Variants in PFKL observed in about 807,000 individuals in gnomAD.
PFKL encodes the protein phosphofructokinase, liver type, also known as ATP-dependent 6-phosphofructokinase, liver type.
A neutral mutation model predicts 92.1 loss-of-function variants in PFKL; 74 were observed. The observed-to-expected ratio is 0.80, with a 90% CI of 0.67 to 0.97. PFKL has a LOEUF of 0.97. Among genes scored for constraint, PFKL ranks in the 50% least tolerant of loss-of-function variants. The pLI is 0.00. For synonymous variants in PFKL, 494 were observed against 456.4 expected, an observed-to-expected ratio of 1.08 and a Z score of -1.05; for missense variants, 1,028 against 1,116.6, an observed-to-expected ratio of 0.92 and a Z score of 1.13.
chr21:44,303,578 C>T (rs1362581619), intron 1 of PFKL, among the ~76,000 whole-genome samples: 4 of 152,056 alleles, frequency 2.6e-5, no homozygotes, highest in African/African-American at 4.8e-5. Context: ...CTTTCCCTGG[C>T]TGGTGTGTTT....
At chr21:44,319,505 C>A in intron 11 of PFKL, 90 bp downstream of exon 11, 1 of 1,081,854 alleles carries the variant, frequency 9.2e-7, no homozygotes. Context: ...GCACGCCTGG[C>A]CTGGGTCATC....
chr21:44,312,157 G>A lies in PFKL; in HGVS notation c.290G>A (p.Gly97Glu). The A allele has an allele frequency of 1.3e-6, 2 of 1,591,096 alleles. No homozygotes were observed. Among genetic ancestry groups the A allele is most frequent in the East Asian group, 2.3e-5 (1 of 42,930 alleles). Residue 97 changes from glycine to glutamate, a missense_variant, in exon 4 of 22, where the codon GGG (glycine) becomes GAG (glutamate). By Grantham distance (98) the Gly-to-Glu change is moderately conservative. Coordinates refer to ENST00000349048, the MANE Select transcript of PFKL (RefSeq NM_002626.6). The stretch of plus-strand genomic sequence containing the variant: ...TGCAAGGCCTTTACCACCAGGGAGG[G>A]GCGCCGGGCAGCGGCCTACAACCTG... ...ARCKAFTTRE[G>E]RRAAAYNLVQ...
chr21:44,304,201 G>A (rs2040860066), intron 1 of PFKL: 6 of 1,285,222 alleles, frequency 4.7e-6, no homozygotes, highest in South Asian at 3.7e-5. Flanking sequence ...ATTTTGCAGA[G>A]CACCCTGAAG....
intron 1 of PFKL, chr21:44,304,424 C>T: frequency 1.6e-6 from 2 of 1,227,802 alleles, no homozygotes; most frequent in Non-Finnish European, 2.1e-6. Context: ...CCTGCCCTCT[C>T]CTTGCCCTGC....
Position 44,305,183 on chromosome 21 carries a change from T to G in PFKL, c.86-1498T>G. 6 of 1,173,340 alleles carry G rather than the reference T, an allele frequency of 5.1e-6. No homozygotes were observed. The South Asian group carries it at 7.1e-5, about 14-fold the overall frequency. 72.7% of individuals were successfully genotyped at this position (1,173,340 alleles called of 1,614,324 possible). A position where few individuals can be genotyped will look rare whatever the true frequency, so the allele number is the denominator to read the frequency against. On this transcript the variant is annotated intron_variant, in intron 1 of 21. Coordinates refer to ENST00000349048, the MANE Select transcript of PFKL (RefSeq NM_002626.6). Reference sequence around the variant, plus strand: ...TCCCTCTGGGATCTCATTGGATTCCTGTAGTGTGGGGATGGTGGCAGATAC... The same window carrying G: ...TCCCTCTGGGATCTCATTGGATTCCGGTAGTGTGGGGATGGTGGCAGATAC...
chr21:44,318,365 C>T (rs944774839), intron 9 of PFKL, 105 bp from the exon 10 acceptor site: 41 of 1,254,278 alleles, frequency 3.3e-5, no homozygotes, highest in Admixed American at 2.3e-4. Flanking sequence ...CTTCCGTCAG[C>T]GTGGGGGGCT....
chr21:44,307,176 C>G (rs1423462219), intron 2 of PFKL: 2 of 651,984 alleles, frequency 3.1e-6, no homozygotes, highest in African/African-American at 3.9e-5. Context: ...CTTGTCCTCC[C>G]CAGCCTCCTG....
intron 1 of PFKL, among the ~76,000 whole-genome samples, chr21:44,302,001 A>T (rs2040787996): frequency 6.6e-6 from 1 of 152,078 alleles, no homozygotes; most frequent in African/African-American, 2.4e-5. Context: ...GCGGTTCTGG[A>T]TGCTGGTGGA....
chr21:44,326,588 C>T (rs185995829), intron 21 of PFKL, 127 bp from the exon 22 acceptor site: 1,338 of 1,199,138 alleles, frequency 1.1e-3, no homozygotes, highest in Non-Finnish European at 1.5e-3. Context: ...CCACGGATAC[C>T]GAGATGTTCA....
At chr21:44,322,860 G>A (rs1422897960) in intron 14 of PFKL, 102 bp from the exon 15 acceptor site, 31 of 757,722 alleles carry the variant, frequency 4.1e-5, no homozygotes, top group Admixed American at 8.7e-5. Flanking sequence ...ACTGCTGACT[G>A]GCTCGGGGAA....
At chr21:44,321,650 C>T (rs1242556705) in intron 12 of PFKL, 79 bp from the exon 13 acceptor site, 6 of 1,415,168 alleles carry the variant, frequency 4.2e-6, no homozygotes, top group Non-Finnish European at 5.6e-6. Context: ...CCAGAACCTG[C>T]CGGCCTGCTG....
At chr21:44,314,606 T>C (rs1422314284) in intron 7 of PFKL, 1 of 130,028 alleles carries the variant, frequency 7.7e-6, no homozygotes. Flanking sequence ...GGGTGCCTGG[T>C]GGGGAGGGGT....
chr21:44,325,820 G>A (rs890175157), intron 19 of PFKL, 141 bp from the exon 20 acceptor site: 4 of 630,742 alleles, frequency 6.3e-6, no homozygotes, highest in African/African-American at 1.8e-5. Flanking sequence ...GGGAACAGAC[G>A]GGAACGGTGC....
At chr21:44,307,607 G>T (rs1056344099) in intron 2 of PFKL, among the ~76,000 whole-genome samples, 5 of 152,218 alleles carry the variant, frequency 3.3e-5, no homozygotes, top group Non-Finnish European at 7.3e-5. Context: ...CTGGGTCTCA[G>T]TTCCCCCATC....
chr21:44,322,158 T>C lies in PFKL; in HGVS notation c.1364T>C (p.Val455Ala), dbSNP rs764414038. The C allele has an allele frequency of 2.2e-5, 36 of 1,605,948 alleles. No individual in the cohort carries two copies. The highest frequency in any genetic ancestry group is 2.6e-5 in the Non-Finnish European group (31 of 1,178,590). Reference sequence around the variant, plus strand: ...GTGCAAGAAGTAGGCTGGCACGACGTGGCCGGCTGGTTGGGGCGTGGTGGC... The same window carrying C: ...GTGCAAGAAGTAGGCTGGCACGACGCGGCCGGCTGGTTGGGGCGTGGTGGC... The part of the protein sequence containing the change: ...GQVQEVGWHD[V>A]AGWLGRGGSM... Residue 455 changes from valine to alanine, a missense_variant, in exon 14 of 22, where the codon GTG (valine) becomes GCG (alanine). Val to Ala is a moderately conservative substitution (Grantham distance 64). Coordinates refer to ENST00000349048, the MANE Select transcript of PFKL (RefSeq NM_002626.6).
chr21:44,327,081 TG>T lies in PFKL; in HGVS notation c.*220del, dbSNP rs2146039316. Reference sequence around the variant, plus strand: ...CAGGCCCTCCAGCAGGAGGACAGAGTGCCCTGGGGCATCCACCTTCCTGCCC... The same window carrying T: ...CAGGCCCTCCAGCAGGAGGACAGAGTCCCTGGGGCATCCACCTTCCTGCCC... On this transcript the variant is annotated 3_prime_UTR_variant, in exon 22 of 22. Transcript: ENST00000349048. The T allele has an allele frequency of 1.7e-6, 1 of 582,920 alleles. No individual in the cohort carries two copies. Among genetic ancestry groups the T allele is most frequent in the South Asian group, 2.0e-5 (1 of 49,392 alleles). The allele number at this position is 582,920 out of a possible 1,614,324, so 36.1% of individuals were successfully genotyped here.
In PFKL at chr21:44,327,095, C is replaced by G. The variant is rs1249428513; in HGVS notation, c.*233C>G. 4 of 574,044 alleles carry G rather than the reference C, an allele frequency of 7.0e-6. No homozygotes were observed. The African/African-American group carries it at 7.5e-5, about 11-fold the overall frequency. 35.6% of individuals were successfully genotyped at this position (574,044 alleles called of 1,614,324 possible). A position where few individuals can be genotyped will look rare whatever the true frequency, so the allele number is the denominator to read the frequency against. ...GGAGGACAGAGTGCCCTGGGGCATC[C>G]ACCTTCCTGCCCAGGGGACGTGGCG... On this transcript the variant is annotated 3_prime_UTR_variant, in exon 22 of 22. Coordinates refer to ENST00000349048, the MANE Select transcript of PFKL (RefSeq NM_002626.6).
In PFKL at chr21:44,325,094, A is replaced by G. The variant is rs569957507; in HGVS notation, c.1878-59A>G. The stretch of plus-strand genomic sequence containing the variant: ...CCCAGGCCTGGCCCAGCGGGGACTC[A>G]GGATCGGGGGGAGACCTGAACTCGT... On this transcript the variant is annotated intron_variant, in intron 18 of 21. Coordinates refer to ENST00000349048, the MANE Select transcript of PFKL (RefSeq NM_002626.6). The G allele has an allele frequency of 7.6e-6, 10 of 1,320,496 alleles. No homozygotes were observed. The South Asian group carries it at 1.2e-4, about 16-fold the overall frequency. 81.8% of individuals were successfully genotyped at this position (1,320,496 alleles called of 1,614,324 possible).
chr21:44,302,357 G>C (rs1262523165), intron 1 of PFKL, among the ~76,000 whole-genome samples: 3 of 152,276 alleles, frequency 2.0e-5, no homozygotes, highest in African/African-American at 4.8e-5. Flanking sequence ...GGCTGGGGCT[G>C]ATTCATGGAG....
Sources: gnomAD v4.1 joint callset for allele counts (sites outside exome capture counted in the v4.1 genomes callset) on GRCh38, gnomAD v4.1.1 for gene constraint, MANE v1.5 for transcripts, NCBI Gene and HGNC (gene_info 2026-07-23, HGNC 2026-07-21) for gene names.